Variants in ADAMTSL1 observed in about 807,000 individuals in gnomAD.
The protein encoded by ADAMTSL1 is ADAMTS like 1.
A neutral mutation model predicts 201.8 loss-of-function variants in ADAMTSL1; 126 were observed. That is an observed-to-expected ratio of 0.62 (90% CI 0.54 to 0.72). ADAMTSL1 has a LOEUF of 0.72. ADAMTSL1 is among the 30% of genes least tolerant of loss of function. The pLI is 0.00. For missense variants in ADAMTSL1, 2,679 were observed against 2,277.8 expected (o/e 1.18, Z -3.59); for synonymous variants, 1,121 against 903.4 (o/e 1.24, Z -4.32).
At chr9:17,964,248 C>A (rs1490092211) in intron 1 of ADAMTSL1, among the ~76,000 whole-genome samples, 1 of 152,092 alleles carries the variant, frequency 6.6e-6, no homozygotes, top group Non-Finnish European at 1.5e-5. Flanking sequence ...TGACTGCTGC[C>A]TTGCTCATAA....
chr9:18,853,962 C>T lies in ADAMTSL1; in HGVS notation c.4249+23985C>T, dbSNP rs77381849. Among the ~76,000 whole-genome samples, 1,441 of 150,458 alleles carry T rather than the reference C, an allele frequency of 9.6e-3. 26 individuals carry two copies. The highest frequency in any genetic ancestry group is 0.033 in the African/African-American group (1,356 of 40,840). ...TTGATTATAATAGAATCAAAATACA[C>T]GCAGGATTTGTCTCCAAGATATTGT... On this transcript the variant is annotated intron_variant, in intron 23 of 28. Transcript: ENST00000380548.
intron 24 of ADAMTSL1, 139 bp from the exon 25 acceptor site, chr9:18,889,429 G>A: frequency 1.1e-6 from 1 of 903,274 alleles, no homozygotes; most frequent in Non-Finnish European, 1.6e-6. Flanking sequence ...GCGAGGAGCA[G>A]GGCCTCATTT....
chr9:18,122,882 G>A (rs1460119995), intron 1 of ADAMTSL1, among the ~76,000 whole-genome samples: 2 of 151,868 alleles, frequency 1.3e-5, no homozygotes, highest in African/African-American at 4.8e-5. Context: ...AGGACTATTG[G>A]TGTGTACCTC....
At chr9:18,197,921 T>A (rs918544283) in intron 2 of ADAMTSL1, among the ~76,000 whole-genome samples, 1 of 151,904 alleles carries the variant, frequency 6.6e-6, no homozygotes, top group African/African-American at 2.4e-5. Context: ...TATAGATCAA[T>A]GGAACAGAAC....
At chr9:18,533,436 A>C (rs562685749) in intron 3 of ADAMTSL1, 144 bp downstream of exon 3, 6 of 494,212 alleles carry the variant, frequency 1.2e-5, no homozygotes, top group Non-Finnish European at 2.0e-5. Flanking sequence ...TATATGCAGG[A>C]CTAAAATGAT....
intron 23 of ADAMTSL1, among the ~76,000 whole-genome samples, chr9:18,859,633 T>A (rs1236793980): frequency 6.6e-6 from 1 of 152,194 alleles, no homozygotes; most frequent in Non-Finnish European, 1.5e-5. Context: ...AATTTAGCAA[T>A]GTATATCAGT....
intron 2 of ADAMTSL1, among the ~76,000 whole-genome samples, chr9:18,198,248 A>G (rs1587289142): frequency 6.6e-6 from 1 of 151,342 alleles, no homozygotes; most frequent in African/African-American, 2.4e-5. Context: ...AAAAGCCAAA[A>G]TTGACAAATG....
At chr9:18,122,262 A>G (rs1360415) in intron 1 of ADAMTSL1, among the ~76,000 whole-genome samples, 62,414 of 151,746 alleles carry the variant, frequency 0.41, 13,801 homozygotes, top group East Asian at 0.57. Context: ...AGCAGAAACA[A>G]CCTACATATC....
chr9:18,677,832 T>A (rs1379759897), intron 10 of ADAMTSL1, among the ~76,000 whole-genome samples: 1 of 151,918 alleles, frequency 6.6e-6, no homozygotes, highest in Non-Finnish European at 1.5e-5. Context: ...CCCTTGTATG[T>A]CTGATACTGA....
chr9:17,974,050 T>G (rs1346963584), intron 1 of ADAMTSL1, among the ~76,000 whole-genome samples: 1 of 152,072 alleles, frequency 6.6e-6, no homozygotes, highest in Non-Finnish European at 1.5e-5. Context: ...CAACAACCCT[T>G]CATGCTAAAA....
chr9:17,939,317 AC>A (rs1827137819), intron 1 of ADAMTSL1, among the ~76,000 whole-genome samples: 1 of 149,878 alleles, frequency 6.7e-6, no homozygotes, highest in African/African-American at 2.5e-5. Context: ...TTTAACTCTC[AC>A]AACCACCATC....
chr9:18,736,892 A>G (rs968251187), intron 15 of ADAMTSL1, among the ~76,000 whole-genome samples: 4 of 152,146 alleles, frequency 2.6e-5, no homozygotes. Flanking sequence ...ATTATTTGCT[A>G]CTTACCACAT....
At chr9:17,968,849 G>C (rs1588494591) in intron 1 of ADAMTSL1, among the ~76,000 whole-genome samples, 1 of 152,086 alleles carries the variant, frequency 6.6e-6, no homozygotes, top group Non-Finnish European at 1.5e-5. Flanking sequence ...TTCTTTAAAT[G>C]CAGAATGGTA....
intron 3 of ADAMTSL1, among the ~76,000 whole-genome samples, chr9:18,563,267 C>T (rs1279845335): frequency 6.6e-6 from 1 of 152,210 alleles, no homozygotes; most frequent in Non-Finnish European, 1.5e-5. Flanking sequence ...CAGTCAGGCT[C>T]CTCTGCTGCA....
At chr9:18,127,472 C>A (rs951267484) in intron 1 of ADAMTSL1, among the ~76,000 whole-genome samples, 1 of 130,246 alleles carries the variant, frequency 7.7e-6, no homozygotes, top group Admixed American at 8.1e-5. Context: ...CATGCATAGG[C>A]ACATACACAA....
chr9:18,487,706 T>G (rs1177818835), intron 1 of ADAMTSL1, among the ~76,000 whole-genome samples: 1 of 152,226 alleles, frequency 6.6e-6, no homozygotes, highest in Non-Finnish European at 1.5e-5. Flanking sequence ...TCCTAACTTT[T>G]CATGTATGCG....
chr9:18,868,275 T>C (rs1827667387), intron 23 of ADAMTSL1, among the ~76,000 whole-genome samples: 1 of 152,214 alleles, frequency 6.6e-6, no homozygotes, highest in Non-Finnish European at 1.5e-5. Flanking sequence ...ACCAATTCCA[T>C]CATCCTTGTC....
At chr9:18,709,932 G>A (rs1832457748) in intron 14 of ADAMTSL1, among the ~76,000 whole-genome samples, 1 of 152,178 alleles carries the variant, frequency 6.6e-6, no homozygotes. Context: ...TGTCAAGAAA[G>A]GAAAACCCAG....
intron 1 of ADAMTSL1, among the ~76,000 whole-genome samples, chr9:17,938,085 A>T (rs1827087805): frequency 6.6e-6 from 1 of 152,176 alleles, no homozygotes; most frequent in South Asian, 2.1e-4. Context: ...ATGCTTGGAA[A>T]AAAATGTTCT....
Sources: allele counts gnomAD v4.1 joint callset (sites outside exome capture counted in the v4.1 genomes callset), GRCh38; gene constraint gnomAD v4.1.1; transcripts MANE v1.5; gene names NCBI Gene and HGNC (gene_info 2026-07-23, HGNC 2026-07-21).